Variants in AMER2 observed in about 807,000 individuals in gnomAD.
AMER2 encodes the protein APC membrane recruitment protein 2, also known as family with sequence similarity 123A.
AMER2 carries 1 observed loss-of-function variant against 4.7 expected under a neutral mutation model. The observed-to-expected ratio is 0.21, with a 90% CI of 0.07 to 1.00. The LOEUF (loss-of-function observed/expected upper bound fraction) is 1.00, where lower values mean the gene tolerates loss of function less well. Among genes scored for constraint, AMER2 ranks in the 50% least tolerant of loss-of-function variants. The pLI, the probability that AMER2 is intolerant of heterozygous loss-of-function variation, is 0.60. For synonymous variants in AMER2, 485 were observed against 433.3 expected, an observed-to-expected ratio of 1.12 and a Z score of -1.48; for missense variants, 988 against 966.9, an observed-to-expected ratio of 1.02 and a Z score of -0.29.
In AMER2 at chr13:25,171,416, G is replaced by A; in HGVS notation, c.204C>T (p.Phe68=). The A allele has an allele frequency of 6.2e-7, 1 of 1,613,032 alleles. No homozygotes were observed. The highest frequency in any genetic ancestry group is 8.5e-7 in the Non-Finnish European group (1 of 1,179,658). ...PPSGKINKAA[F]KLFKKRKSGG... is the part of the protein sequence containing the mutation. ...CCGATTTCCTCTTCTTGAATAATTTGAAGGCAGCTTTATTAATCTTCCCCG... is the reference window on the plus strand; with the variant it reads ...CCGATTTCCTCTTCTTGAATAATTTAAAGGCAGCTTTATTAATCTTCCCCG... Residue 68 remains phenylalanine (F), a synonymous_variant, in exon 1 of 1, where the codon TTC becomes TTT. Coordinates refer to ENST00000515384, the MANE Select transcript of AMER2 (RefSeq NM_152704.4). This position sits in a 1 kb window ranked among gnomAD's most constrained non-coding sequence, Gnocchi z 5.9.
rs1956505284 is a variant in AMER2 at position 25,168,509 on chromosome 13, C to A, written c.*1095G>T. The stretch of plus-strand genomic sequence containing the variant: ...AAGGCAGAGCCATTCCTCTGGGACA[C>A]CAGCACAATAGATTTTTTTTTTTTT... On this transcript the variant is annotated 3_prime_UTR_variant, in exon 1 of 1. Coordinates refer to ENST00000515384, the MANE Select transcript of AMER2 (RefSeq NM_152704.4). 1.3e-5 allele frequency: 2 copies of A among 150,964 alleles called. No homozygotes were observed. The allele number at this position is 150,964 out of a possible 1,614,324, so 9.4% of individuals were successfully genotyped here.
At position 25,171,223 on chromosome 13, in the gene AMER2, C is replaced by T; in HGVS notation, c.397G>A (p.Gly133Ser). ...GGCCCCGGGTTCGGCCGCCCCCCGC[C>T]GCCCCCGCCGCTGTCGCCCCCGCCG... Reference protein sequence around the residue: ...PRGGGDSGGGGGGRPNPGPPR... With the variant: ...PRGGGDSGGGSGGRPNPGPPR... Residue 133 changes from glycine to serine, a missense_variant, in exon 1 of 1, where the codon GGC (glycine) becomes AGC (serine). Gly to Ser is a moderately conservative substitution (Grantham distance 56, BLOSUM62 0). Coordinates refer to ENST00000515384, the MANE Select transcript of AMER2 (RefSeq NM_152704.4). This position sits in a 1 kb window ranked among gnomAD's most constrained non-coding sequence, Gnocchi z 5.9. 1.5e-6 allele frequency: 2 copies of T among 1,374,760 alleles called. No individual in the cohort carries two copies. Among genetic ancestry groups the T allele is most frequent in the South Asian group, 1.9e-5 (1 of 53,916 alleles). The allele number at this position is 1,374,760 out of a possible 1,614,324, so 85.2% of individuals were successfully genotyped here. A position where few individuals can be genotyped will look rare whatever the true frequency, so the allele number is the denominator to read the frequency against.
In AMER2 at chr13:25,170,321, G is replaced by T; in HGVS notation, c.1299C>A (p.Asp433Glu). 2 of 1,613,944 alleles carry T rather than the reference G, an allele frequency of 1.2e-6. No homozygotes were observed. Among genetic ancestry groups the T allele is most frequent in the African/African-American group, 1.3e-5 (1 of 75,022 alleles). Residue 433 changes from aspartate to glutamate, a missense_variant, in exon 1 of 1, where the codon GAC becomes GAA. By Grantham distance (45) the Asp-to-Glu change is conservative. Coordinates refer to ENST00000515384, the MANE Select transcript of AMER2 (RefSeq NM_152704.4). This position sits in a 1 kb window ranked among gnomAD's most constrained non-coding sequence, Gnocchi z 7.3. ...EEMASPDEVD[D>E]TYLQEFWDML... Reference sequence around the variant, plus strand: ...TGTCCCAGAACTCCTGTAGATAGGTGTCGTCCACCTCGTCCGGGCTGGCCA... The same window carrying T: ...TGTCCCAGAACTCCTGTAGATAGGTTTCGTCCACCTCGTCCGGGCTGGCCA...
In AMER2 at chr13:25,171,681, C is replaced by T; in HGVS notation, c.-62G>A. The T allele has an allele frequency of 7.0e-7, 1 of 1,425,284 alleles. No homozygotes were observed. The highest frequency in any genetic ancestry group is 9.1e-7 in the Non-Finnish European group (1 of 1,100,858). The allele number at this position is 1,425,284 out of a possible 1,614,324, so 88.3% of individuals were successfully genotyped here. A position where few individuals can be genotyped will look rare whatever the true frequency, so the allele number is the denominator to read the frequency against. On this transcript the variant is annotated 5_prime_UTR_variant, in exon 1 of 1. Transcript: ENST00000515384. This position sits in a 1 kb window ranked among gnomAD's most constrained non-coding sequence, Gnocchi z 5.9. ...GGGCTCGCGCCAGGCCACTGTCACC[C>T]GTATTCTAAATCAACCTGAGCCGCG...
rs566338144 is a variant in AMER2, at chr13:25,168,303, TAA to T, written c.*1299_*1300del. 1.3e-4 allele frequency: 20 copies of T among 152,328 alleles called. No homozygotes were observed. The East Asian group carries it at 3.9e-3, about 29-fold the overall frequency. 9.4% of individuals were successfully genotyped at this position (152,328 alleles called of 1,614,324 possible). A position where few individuals can be genotyped will look rare whatever the true frequency, so the allele number is the denominator to read the frequency against. On this transcript the variant is annotated 3_prime_UTR_variant, in exon 1 of 1. Transcript: ENST00000515384. Reference sequence around the variant, plus strand: ...ATTCTGAACACACTTGTCTTTGTCATAAGTCTATAAAGCAAAAGGCAAATGAT... The same window carrying T: ...ATTCTGAACACACTTGTCTTTGTCATGTCTATAAAGCAAAAGGCAAATGAT...
Position 25,163,376 on chromosome 13 carries a change from T to C in AMER2, c.*6228A>G, listed in dbSNP as rs1226135881. ...CTGAAATCAGGATCTTAAAGAGATA[T>C]TTTCACTCCCTCGTTCGTTGTAGCA... is the stretch of plus-strand genomic sequence containing the variant. On this transcript the variant is annotated 3_prime_UTR_variant, in exon 1 of 1. Transcript: ENST00000515384. The C allele has an allele frequency of 6.6e-6, 1 of 152,192 alleles. No homozygotes were observed. The highest frequency in any genetic ancestry group is 2.4e-5 in the African/African-American group (1 of 41,430). The allele number at this position is 152,192 out of a possible 1,614,324, so 9.4% of individuals were successfully genotyped here. A position where few individuals can be genotyped will look rare whatever the true frequency, so the allele number is the denominator to read the frequency against.
In AMER2 at chr13:25,171,662, G is replaced by C. The variant is rs1956585781; in HGVS notation, c.-43C>G. 8.4e-6 allele frequency: 12 copies of C among 1,436,334 alleles called. No homozygotes were observed. Among genetic ancestry groups the C allele is most frequent in the Non-Finnish European group, 1.1e-5 (12 of 1,106,180 alleles). The allele number at this position is 1,436,334 out of a possible 1,614,324, so 89.0% of individuals were successfully genotyped here. ...AGCCGCTTTCGTCAGCAGTGGGCTC[G>C]CGCCAGGCCACTGTCACCCGTATTC... is the stretch of plus-strand genomic sequence containing the variant. On this transcript the variant is annotated 5_prime_UTR_variant, in exon 1 of 1. Coordinates refer to ENST00000515384, the MANE Select transcript of AMER2 (RefSeq NM_152704.4). This position sits in a 1 kb window ranked among gnomAD's most constrained non-coding sequence, Gnocchi z 5.9.
chr13:25,168,436 A>C lies in AMER2; in HGVS notation c.*1168T>G, dbSNP rs958366662. 6.6e-6 allele frequency: 1 copy of C among 152,202 alleles called. No homozygotes were observed. Among genetic ancestry groups the C allele is most frequent in the Non-Finnish European group, 1.5e-5 (1 of 68,034 alleles). 9.4% of individuals were successfully genotyped at this position (152,202 alleles called of 1,614,324 possible). On this transcript the variant is annotated 3_prime_UTR_variant, in exon 1 of 1. Coordinates refer to ENST00000515384, the MANE Select transcript of AMER2 (RefSeq NM_152704.4). Reference sequence around the variant, plus strand: ...GAAATTTTACAATCAAGGTAAAAAAAAATCTGAAAACAGGGTTTGGGGTGA... The same window carrying C: ...GAAATTTTACAATCAAGGTAAAAAACAATCTGAAAACAGGGTTTGGGGTGA...
In AMER2 at chr13:25,164,975, TTAAG is replaced by T. The variant is rs1450423429; in HGVS notation, c.*4625_*4628del. On this transcript the variant is annotated 3_prime_UTR_variant, in exon 1 of 1. Coordinates refer to ENST00000515384, the MANE Select transcript of AMER2 (RefSeq NM_152704.4). Reference sequence around the variant, plus strand: ...TGAGCTCCAAACTGAATGGGTTTTATTAAGTATTTGATACAGTCTATGCCCCATA... The same window carrying T: ...TGAGCTCCAAACTGAATGGGTTTTATTATTTGATACAGTCTATGCCCCATA... 3 of 152,232 alleles carry T rather than the reference TTAAG, an allele frequency of 2.0e-5. No individual in the cohort carries two copies. Among genetic ancestry groups the T allele is most frequent in the East Asian group, 1.9e-4 (1 of 5,194 alleles). The allele number at this position is 152,232 out of a possible 1,614,324, so 9.4% of individuals were successfully genotyped here.
At position 25,170,731 on chromosome 13, in the gene AMER2, C is replaced by T; in HGVS notation, c.889G>A (p.Gly297Arg). 1 of 1,428,518 alleles carries T rather than the reference C, an allele frequency of 7.0e-7. No individual in the cohort carries two copies. The highest frequency in any genetic ancestry group is 1.5e-5 in the South Asian group (1 of 66,566). 88.5% of individuals were successfully genotyped at this position (1,428,518 alleles called of 1,614,324 possible). The change falls in exon 1 of 1, where the codon GGA (glycine) becomes AGA (arginine). Residue 297 changes from glycine (G) to arginine (R), a missense_variant. By Grantham distance (125) the Gly-to-Arg change is moderately radical (BLOSUM62 -2). Transcript: ENST00000515384. The surrounding 1 kb of genome is among the most constrained non-coding windows in gnomAD (Gnocchi z 7.3). ...LAHPGDTGAR[G>R]EDAAGHRRAE... Reference sequence around the variant, plus strand: ...CGCCGATGCCCCGCGGCGTCCTCTCCCCGGGCGCCGGTGTCGCCGGGGTGC... The same window carrying T: ...CGCCGATGCCCCGCGGCGTCCTCTCTCCGGGCGCCGGTGTCGCCGGGGTGC...
chr13:25,167,263 C>G lies in AMER2; in HGVS notation c.*2341G>C, dbSNP rs1956490589. On this transcript the variant is annotated 3_prime_UTR_variant, in exon 1 of 1. Transcript: ENST00000515384. ...GAACAAATGAACCAACATAACTTTGCCATGGATTCATGCAAAGGAGAATAT... is the reference window on the plus strand; with the variant it reads ...GAACAAATGAACCAACATAACTTTGGCATGGATTCATGCAAAGGAGAATAT... 1 of 152,092 alleles carries G rather than the reference C, an allele frequency of 6.6e-6. No homozygotes were observed. The highest frequency in any genetic ancestry group is 1.5e-5 in the Non-Finnish European group (1 of 67,996). The allele number at this position is 152,092 out of a possible 1,614,324, so 9.4% of individuals were successfully genotyped here. A position where few individuals can be genotyped will look rare whatever the true frequency, so the allele number is the denominator to read the frequency against.
Position 25,171,945 on chromosome 13 carries a change from G to A in AMER2, c.-326C>T, listed in dbSNP as rs994707556. Reference sequence around the variant, plus strand: ...TTCCTTCTCTAGACTCGCTCTTCACGGGAGCGCAACCATGGATCACGAAAT... The same window carrying A: ...TTCCTTCTCTAGACTCGCTCTTCACAGGAGCGCAACCATGGATCACGAAAT... On this transcript the variant is annotated 5_prime_UTR_variant, in exon 1 of 1. Coordinates refer to ENST00000515384, the MANE Select transcript of AMER2 (RefSeq NM_152704.4). This position sits in a 1 kb window ranked among gnomAD's most constrained non-coding sequence, Gnocchi z 5.9. 1 of 344,478 alleles carries A rather than the reference G, an allele frequency of 2.9e-6. No individual in the cohort carries two copies. Among genetic ancestry groups the A allele is most frequent in the Non-Finnish European group, 5.1e-6 (1 of 195,172 alleles). The allele number at this position is 344,478 out of a possible 1,614,324, so 21.3% of individuals were successfully genotyped here.
chr13:25,169,485 C>T lies in AMER2; in HGVS notation c.*119G>A. 8 of 1,356,242 alleles carry T rather than the reference C, an allele frequency of 5.9e-6. No individual in the cohort carries two copies. Among genetic ancestry groups the T allele is most frequent in the Non-Finnish European group, 6.8e-6 (7 of 1,022,058 alleles). The allele number at this position is 1,356,242 out of a possible 1,614,324, so 84.0% of individuals were successfully genotyped here. A position where few individuals can be genotyped will look rare whatever the true frequency, so the allele number is the denominator to read the frequency against. The stretch of plus-strand genomic sequence containing the variant: ...CCTCGGTCCACGCTCTGGAGCAGGG[C>T]GGGGGACGGGTGGTGTCCTAAAAGA... On this transcript the variant is annotated 3_prime_UTR_variant, in exon 1 of 1. Coordinates refer to ENST00000515384, the MANE Select transcript of AMER2 (RefSeq NM_152704.4). The surrounding 1 kb of genome is among the most constrained non-coding windows in gnomAD (Gnocchi z 4.2).
Position 25,170,291 on chromosome 13 carries a change from G to C in AMER2, c.1329C>G (p.Leu443=). 7 of 1,613,710 alleles carry C rather than the reference G, an allele frequency of 4.3e-6. No individual in the cohort carries two copies. The highest frequency in any genetic ancestry group is 5.9e-6 in the Non-Finnish European group (7 of 1,179,896). Residue 443 remains leucine, a synonymous_variant, in exon 1 of 1, where the codon CTC becomes CTG. Transcript: ENST00000515384. This position sits in a 1 kb window ranked among gnomAD's most constrained non-coding sequence, Gnocchi z 7.3. ...DTYLQEFWDM[L]SQTEEQGPEP... ...CGGGTCCCTGCTCCTCGGTCTGGGA[G>C]AGCATGTCCCAGAACTCCTGTAGAT...
chr13:25,167,428 T>C lies in AMER2; in HGVS notation c.*2176A>G, dbSNP rs1165789090. The C allele has an allele frequency of 2.0e-5, 3 of 152,204 alleles. No homozygotes were observed. 9.4% of individuals were successfully genotyped at this position (152,204 alleles called of 1,614,324 possible). A position where few individuals can be genotyped will look rare whatever the true frequency, so the allele number is the denominator to read the frequency against. ...ATAGTACCAGCGGCATGAAATCAAA[T>C]GTAAATCCCTTGTTTAATACAGAAA... is the stretch of plus-strand genomic sequence containing the variant. On this transcript the variant is annotated 3_prime_UTR_variant, in exon 1 of 1. Transcript: ENST00000515384.
In AMER2 at chr13:25,163,551, T is replaced by C. The variant is rs1447941824; in HGVS notation, c.*6053A>G. 1 of 151,328 alleles carries C rather than the reference T, an allele frequency of 6.6e-6. No homozygotes were observed. The highest frequency in any genetic ancestry group is 1.5e-5 in the Non-Finnish European group (1 of 67,874). 9.4% of individuals were successfully genotyped at this position (151,328 alleles called of 1,614,324 possible). A position where few individuals can be genotyped will look rare whatever the true frequency, so the allele number is the denominator to read the frequency against. ...CCATAAGCAACAACATGGCTAAACT[T>C]GGGGGTCGTTATGCTCAATGAAATA... is the stretch of plus-strand genomic sequence containing the variant. On this transcript the variant is annotated 3_prime_UTR_variant, in exon 1 of 1. Coordinates refer to ENST00000515384, the MANE Select transcript of AMER2 (RefSeq NM_152704.4).
rs945321653 is a variant in AMER2, at chr13:25,169,470, C to T, written c.*134G>A. 2 of 1,244,802 alleles carry T rather than the reference C, an allele frequency of 1.6e-6. No homozygotes were observed. The highest frequency in any genetic ancestry group is 5.2e-5 in the East Asian group (2 of 38,768). 77.1% of individuals were successfully genotyped at this position (1,244,802 alleles called of 1,614,324 possible). A position where few individuals can be genotyped will look rare whatever the true frequency, so the allele number is the denominator to read the frequency against. ...AGGGCACAAAGACCTCCTCGGTCCA[C>T]GCTCTGGAGCAGGGCGGGGGACGGG... On this transcript the variant is annotated 3_prime_UTR_variant, in exon 1 of 1. Transcript: ENST00000515384. The surrounding 1 kb of genome is among the most constrained non-coding windows in gnomAD (Gnocchi z 4.2).
In AMER2 at chr13:25,166,816, C is replaced by T. The variant is rs1956484971; in HGVS notation, c.*2788G>A. 6.6e-6 allele frequency: 1 copy of T among 152,138 alleles called. No individual in the cohort carries two copies. Among genetic ancestry groups the T allele is most frequent in the African/African-American group, 2.4e-5 (1 of 41,448 alleles). 9.4% of individuals were successfully genotyped at this position (152,138 alleles called of 1,614,324 possible). ...GAAAGTAGCCCTTGGCACAAGAAAG[C>T]AACTATGATCCCTTTTCTATGGTTG... On this transcript the variant is annotated 3_prime_UTR_variant, in exon 1 of 1. Transcript: ENST00000515384.
chr13:25,171,236 G>T lies in AMER2; in HGVS notation c.384C>A (p.Asp128Glu). The T allele has an allele frequency of 7.2e-7, 1 of 1,391,646 alleles. No individual in the cohort carries two copies. The highest frequency in any genetic ancestry group is 9.3e-7 in the Non-Finnish European group (1 of 1,075,786). 86.2% of individuals were successfully genotyped at this position (1,391,646 alleles called of 1,614,324 possible). A position where few individuals can be genotyped will look rare whatever the true frequency, so the allele number is the denominator to read the frequency against. ...GCCGCCCCCCGCCGCCCCCGCCGCT[G>T]TCGCCCCCGCCGCGCGGCTCCTCCT... ...GRKEEPRGGG[D>E]SGGGGGGRPN... Residue 128 changes from aspartate to glutamate, a missense_variant, in exon 1 of 1, where the codon GAC becomes GAA. Physicochemically the swap from Asp to Glu is conservative, Grantham distance 45. Coordinates refer to ENST00000515384, the MANE Select transcript of AMER2 (RefSeq NM_152704.4). This position sits in a 1 kb window ranked among gnomAD's most constrained non-coding sequence, Gnocchi z 5.9.
Sources: allele counts gnomAD v4.1 joint callset, GRCh38; gene constraint gnomAD v4.1.1; non-coding constraint Gnocchi (gnomAD v3.1); transcripts MANE v1.5; gene names NCBI Gene and HGNC (gene_info 2026-07-23, HGNC 2026-07-21).